Variants in CFAP263 observed in about 807,000 individuals in gnomAD.
CFAP263 encodes cilia and flagella associated protein 263.
chr16:58,252,879 CT>C, the CFAP263 span: 1 of 1,610,566 alleles, frequency 6.2e-7, no homozygotes, highest in East Asian at 2.2e-5. Flanking sequence ...CTAGATCATT[CT>C]TTTATTGTTT....
At chr16:58,277,022 G>A in the CFAP263 span, among the ~76,000 whole-genome samples, 6 of 152,238 alleles carry the variant, frequency 3.9e-5, no homozygotes, top group African/African-American at 1.4e-4. Flanking sequence ...TCCTGATGGG[G>A]TGACAGGAGT....
chr16:58,250,461 T>G, the CFAP263 span: 19 of 192,748 alleles, frequency 9.9e-5, no homozygotes, highest in Non-Finnish European at 1.7e-4. Context: ...AGCCCTTTTC[T>G]GATGCTAAGA....
the CFAP263 span, among the ~76,000 whole-genome samples, chr16:58,275,963 A>T: frequency 2.0e-5 from 3 of 152,242 alleles, no homozygotes; most frequent in South Asian, 6.2e-4. Context: ...CCATGACATC[A>T]ATAAAGTGAG....
the CFAP263 span, among the ~76,000 whole-genome samples, chr16:58,260,120 G>A: frequency 1.3e-5 from 2 of 152,104 alleles, no homozygotes; most frequent in Non-Finnish European, 2.9e-5. Context: ...TGGGGAGATG[G>A]TCTTGAATTA....
the CFAP263 span, chr16:58,249,975 C>T: frequency 1.0e-5 from 14 of 1,394,772 alleles, no homozygotes; most frequent in South Asian, 7.4e-5. Context: ...CCCGGAGCTC[C>T]TGGGCACACG....
chr16:58,270,254 A>G, the CFAP263 span, among the ~76,000 whole-genome samples: 3 of 152,206 alleles, frequency 2.0e-5, no homozygotes, highest in Admixed American at 2.0e-4. Context: ...GACCTACTCA[A>G]CATTATAGCT....
At chr16:58,280,987 A>G in the CFAP263 span, 3 of 514,286 alleles carry the variant, frequency 5.8e-6, no homozygotes, top group Non-Finnish European at 1.0e-5. Context: ...CTGATTGCCT[A>G]TAGCTTCCTG....
At chr16:58,271,331 C>T in the CFAP263 span, among the ~76,000 whole-genome samples, 875 of 152,242 alleles carry the variant, frequency 5.7e-3, 5 homozygotes, top group South Asian at 0.012. Context: ...GATAGTACAG[C>T]GAACCAACAT....
chr16:58,265,667 G>A, the CFAP263 span, among the ~76,000 whole-genome samples: 41 of 152,306 alleles, frequency 2.7e-4, no homozygotes, highest in African/African-American at 8.9e-4. Flanking sequence ...GCAGACTTCC[G>A]GCCTATGGAA....
At chr16:58,280,088 G>T in the CFAP263 span, 1 of 860,580 alleles carries the variant, frequency 1.2e-6, no homozygotes, top group Non-Finnish European at 1.8e-6. Flanking sequence ...GGGAGAGCCA[G>T]CCCAGTGTAT....
chr16:58,272,878 T>C, the CFAP263 span, among the ~76,000 whole-genome samples: 1 of 152,116 alleles, frequency 6.6e-6, no homozygotes. Flanking sequence ...CCAAGGAGGC[T>C]TGGTGTCTTT....
chr16:58,279,579 CGG>C, the CFAP263 span: 1 of 852,588 alleles, frequency 1.2e-6, no homozygotes, highest in Admixed American at 2.6e-5. Context: ...TGCACCATCA[CGG>C]GGCTGGATGA....
chr16:58,280,466 G>T, the CFAP263 span: 2 of 1,613,906 alleles, frequency 1.2e-6, no homozygotes, highest in African/African-American at 2.7e-5. Flanking sequence ...GTCCTTCTTT[G>T]TCCCTGCAAG....
At chr16:58,258,532 G>C in the CFAP263 span, 2 of 1,612,060 alleles carry the variant, frequency 1.2e-6, no homozygotes, top group Non-Finnish European at 1.7e-6. Context: ...GGGTAAGTTG[G>C]CAGACAGAGC....
At chr16:58,252,954 C>A in the CFAP263 span, 1 of 1,137,962 alleles carries the variant, frequency 8.8e-7, no homozygotes, top group Non-Finnish European at 1.3e-6. Flanking sequence ...GGCCAATTGA[C>A]CATGGGACCT....
the CFAP263 span, among the ~76,000 whole-genome samples, chr16:58,274,521 G>A: frequency 1.3e-5 from 2 of 152,204 alleles, no homozygotes; most frequent in African/African-American, 4.8e-5. Flanking sequence ...ATTGGATCAT[G>A]GGTGCAGTTT....
the CFAP263 span, chr16:58,278,613 G>C: frequency 1.2e-6 from 2 of 1,614,226 alleles, no homozygotes; most frequent in Non-Finnish European, 1.7e-6. Flanking sequence ...TCAGGATGTG[G>C]GAAAGGAAAG....
At chr16:58,251,832 A>G in the CFAP263 span, among the ~76,000 whole-genome samples, 1 of 152,242 alleles carries the variant, frequency 6.6e-6, no homozygotes, top group Admixed American at 6.5e-5. Context: ...ATACATACAT[A>G]TGTGTGTGTA....
chr16:58,283,778 A>T, the CFAP263 span: 5 of 152,204 alleles, frequency 3.3e-5, no homozygotes, highest in Non-Finnish European at 7.3e-5. Context: ...AAGGGCAAAC[A>T]TATTTCTTAA....
Sources: allele counts gnomAD v4.1 joint callset (sites outside exome capture counted in the v4.1 genomes callset), GRCh38; gene constraint gnomAD v4.1.1; transcripts MANE v1.5; gene names NCBI Gene and HGNC (gene_info 2026-07-23, HGNC 2026-07-21).